ADCY10: variants seen among roughly 807,000 people sequenced by gnomAD.
The protein encoded by ADCY10 is adenylate cyclase 10.
Under a neutral mutation model 183.3 loss-of-function variants are expected in ADCY10, and 156 were observed. That is an observed-to-expected ratio of 0.85 (90% CI 0.75 to 0.97). The LOEUF is 0.97. Ranked by LOEUF, ADCY10 falls within the 50% of genes least tolerant of loss-of-function variation. The pLI, the probability that ADCY10 is intolerant of heterozygous loss-of-function variation, is 0.00. For missense variants in ADCY10, 1,745 were observed against 1,934.3 expected, an observed-to-expected ratio of 0.90 and a Z score of 1.84; for synonymous variants, 645 against 670.0, an observed-to-expected ratio of 0.96 and a Z score of 0.58.
Position 167,848,377 on chromosome 1 carries a change from A to G in ADCY10, c.2421T>C (p.Pro807=). Residue 807 remains proline (P), a synonymous_variant, in exon 19 of 33, where the codon CCT becomes CCC. Coordinates refer to ENST00000367851, the MANE Select transcript of ADCY10 (RefSeq NM_018417.6). ...TSGVRLKNLS[P]PTSLKEISLI... is the part of the protein sequence containing the mutation. The stretch of plus-strand genomic sequence containing the variant: ...TTTTCTTACCTTTTAATGACGTTGG[A>G]GGTGACAGGTTTTTCAGTCTGACAC... The G allele has an allele frequency of 6.2e-7, 1 of 1,613,806 alleles. No individual in the cohort carries two copies. The highest frequency in any genetic ancestry group is 8.5e-7 in the Non-Finnish European group (1 of 1,179,838).
chr1:167,812,736 A>C (rs1025835688), intron 31 of ADCY10, among the ~76,000 whole-genome samples: 1 of 152,252 alleles, frequency 6.6e-6, no homozygotes, highest in Admixed American at 6.5e-5. Flanking sequence ...AAGATAATCA[A>C]AGAACTAAAG....
At chr1:167,827,185 T>C (rs5027046) in intron 26 of ADCY10, among the ~76,000 whole-genome samples, 47,880 of 151,172 alleles carry the variant, frequency 0.32, 8,742 homozygotes, top group Non-Finnish European at 0.41. Context: ...TTTTTTTTCC[T>C]GAGATGGAGT....
intron 25 of ADCY10, among the ~76,000 whole-genome samples, chr1:167,830,121 A>G (rs1050123080): frequency 4.6e-5 from 7 of 152,146 alleles, no homozygotes; most frequent in African/African-American, 1.7e-4. Flanking sequence ...GCCTTATCCT[A>G]CCTTAAGTGC....
chr1:167,815,194 T>C (rs984799675), intron 31 of ADCY10, among the ~76,000 whole-genome samples: 6 of 152,012 alleles, frequency 3.9e-5, no homozygotes, highest in South Asian at 2.1e-4. Flanking sequence ...CCCACAGTTT[T>C]GTGTGTTTTA....
chr1:167,902,015 C>T lies in ADCY10; in HGVS notation c.292+1G>A, dbSNP rs764898290. ...CCTTCTATCTTAGTAAGCCCCCATACCTGCAAATTTCAGGATGTCTCCTCC... is the reference window on the plus strand; with the variant it reads ...CCTTCTATCTTAGTAAGCCCCCATATCTGCAAATTTCAGGATGTCTCCTCC... On this transcript the variant is annotated splice_donor_variant, in intron 4 of 32. Transcript: ENST00000367851. LOFTEE classifies it high-confidence loss of function. The T allele has an allele frequency of 1.9e-6, 3 of 1,613,548 alleles. No homozygotes were observed. In the East Asian group the frequency reaches 6.7e-5, roughly 36 times the overall value.
At position 167,905,201 on chromosome 1, in the gene ADCY10, A is replaced by C; in HGVS notation, c.-58-3T>G. Reference sequence around the variant, plus strand: ...GAAGCAGTCTCCAAATAGGTCTTCTAAAAAGAAAATTGAAATAGAGGAAAT... The same window carrying C: ...GAAGCAGTCTCCAAATAGGTCTTCTCAAAAGAAAATTGAAATAGAGGAAAT... On this transcript the variant is annotated splice_polypyrimidine_tract_variant and splice_region_variant and intron_variant, in intron 1 of 32. Transcript: ENST00000367851. The C allele has an allele frequency of 1.9e-6, 3 of 1,577,222 alleles. No homozygotes were observed.
chr1:167,810,961 C>G, intron 31 of ADCY10, 48 bp from the exon 32 acceptor site: 2 of 1,552,362 alleles, frequency 1.3e-6, no homozygotes, highest in Non-Finnish European at 8.9e-7. Context: ...AACAGGGGTC[C>G]TTGACTGTAA....
At chr1:167,814,994 G>A (rs200021836) in intron 31 of ADCY10, among the ~76,000 whole-genome samples, 20 of 151,900 alleles carry the variant, frequency 1.3e-4, no homozygotes, top group African/African-American at 3.9e-4. Flanking sequence ...GCATGATGGC[G>A]GGTGCCTGTA....
At position 167,883,560 on chromosome 1, in the gene ADCY10, C is replaced by T. The variant is rs781741807; in HGVS notation, c.897G>A (p.Leu299=). 56 of 1,614,114 alleles carry T rather than the reference C, an allele frequency of 3.5e-5. No individual in the cohort carries two copies. The South Asian group carries it at 5.5e-4, about 16-fold the overall frequency. The change falls in exon 9 of 33, where the codon CTG becomes CTA. Residue 299 remains leucine (L), a synonymous_variant. Coordinates refer to ENST00000367851, the MANE Select transcript of ADCY10 (RefSeq NM_018417.6). ...LRPVTIVFVN[L]MFEDQDKAEE... ...CTGCTTTGTCTTGGTCTTCAAACAT[C>T]AGGTTCACAAACACAATCGTCACTG...
In ADCY10 at chr1:167,903,886, C is replaced by G; in HGVS notation, c.253+1G>C. On this transcript the variant is annotated splice_donor_variant, in intron 3 of 32. Coordinates refer to ENST00000367851, the MANE Select transcript of ADCY10 (RefSeq NM_018417.6). LOFTEE classifies it high-confidence loss of function. ...AGCCAGAAACCTATGGGAACACTTACTCTCCACTATTGCACTTATGTGGTA... is the reference window on the plus strand; with the variant it reads ...AGCCAGAAACCTATGGGAACACTTAGTCTCCACTATTGCACTTATGTGGTA... The G allele has an allele frequency of 6.2e-7, 1 of 1,605,288 alleles. No homozygotes were observed. Among genetic ancestry groups the G allele is most frequent in the Admixed American group, 1.7e-5 (1 of 60,006 alleles).
chr1:167,819,166 C>G (rs1383164898), intron 30 of ADCY10, among the ~76,000 whole-genome samples: 1 of 151,514 alleles, frequency 6.6e-6, no homozygotes, highest in Non-Finnish European at 1.5e-5. Flanking sequence ...TGAAATACCT[C>G]TTTAATATTC....
chr1:167,841,638 G>T (rs1279970799), intron 21 of ADCY10, among the ~76,000 whole-genome samples: 1 of 150,734 alleles, frequency 6.6e-6, no homozygotes, highest in Non-Finnish European at 1.5e-5. Context: ...GGGACTACAG[G>T]CACAAGCCAT....
rs752702356 is a variant in ADCY10, at chr1:167,824,794, C to A, written c.3812G>T (p.Trp1271Leu). ...CATGGCCATGACTTCATATTTGAACCACACACCTTTGTAGCCAGCCAGGTG... is the reference window on the plus strand; with the variant it reads ...CATGGCCATGACTTCATATTTGAACAACACACCTTTGTAGCCAGCCAGGTG... ...YHHLAGYKGV[W>L]FKYEVMAMEH... Residue 1271 changes from tryptophan (W) to leucine (L), a missense_variant, in exon 27 of 33, where the codon TGG becomes TTG. By Grantham distance (61) the Trp-to-Leu change is moderately conservative. Transcript: ENST00000367851. 3 of 1,614,230 alleles carry A rather than the reference C, an allele frequency of 1.9e-6. No individual in the cohort carries two copies. The highest frequency in any genetic ancestry group is 2.5e-6 in the Non-Finnish European group (3 of 1,180,038).
intron 21 of ADCY10, among the ~76,000 whole-genome samples, chr1:167,844,614 A>G (rs1241939429): frequency 1.3e-5 from 2 of 152,208 alleles, no homozygotes; most frequent in African/African-American, 2.4e-5. Context: ...CAGAACCACA[A>G]TTTAAAAAAT....
At position 167,842,555 on chromosome 1, in the gene ADCY10, G is replaced by C. The variant is rs769685244; in HGVS notation, c.3007+3008C>G. ...ATAGACAGAGTATCTATCTGTCTAG[G>C]ATAGATTAAAGCAGGATATTTTAAG... On this transcript the variant is annotated intron_variant, in intron 21 of 32. Transcript: ENST00000367851. Among the ~76,000 whole-genome samples, 20 of 150,496 alleles carry C rather than the reference G, an allele frequency of 1.3e-4. 1 individual carries two copies. Among genetic ancestry groups the C allele is most frequent in the Non-Finnish European group, 2.1e-4 (14 of 67,736 alleles).
intron 31 of ADCY10, among the ~76,000 whole-genome samples, chr1:167,816,787 T>C (rs1662555750): frequency 6.6e-6 from 1 of 151,822 alleles, no homozygotes; most frequent in East Asian, 1.9e-4. Flanking sequence ...TGCTAATAGC[T>C]CTGACTTGCA....
chr1:167,875,316 G>A (rs1329189377), intron 12 of ADCY10, 130 bp from the exon 13 acceptor site: 6 of 897,664 alleles, frequency 6.7e-6, no homozygotes, highest in African/African-American at 1.7e-5. Flanking sequence ...CCTGACTCAC[G>A]GGTCGCAAAC....
chr1:167,911,819 G>A (rs1670166784), intron 1 of ADCY10, among the ~76,000 whole-genome samples: 1 of 152,180 alleles, frequency 6.6e-6, no homozygotes, highest in African/African-American at 2.4e-5. Context: ...TTAGATGATT[G>A]TTAAGATTCT....
chr1:167,811,694 A>G (rs1307601998), intron 31 of ADCY10, among the ~76,000 whole-genome samples: 1 of 152,230 alleles, frequency 6.6e-6, no homozygotes, highest in Non-Finnish European at 1.5e-5. Context: ...AAGACTGGAG[A>G]GACAAACAGA....
Sources: gnomAD v4.1 joint callset for allele counts (sites outside exome capture counted in the v4.1 genomes callset) on GRCh38, gnomAD v4.1.1 for gene constraint, MANE v1.5 for transcripts, NCBI Gene and HGNC (gene_info 2026-07-23, HGNC 2026-07-21) for gene names.